NSG1: variants seen among roughly 807,000 people sequenced by gnomAD.
NSG1 encodes the protein neuronal vesicle trafficking associated 1, also known as neuronal vesicle trafficking-associated protein 1.
In NSG1, 9 loss-of-function variants were observed where a neutral mutation model predicts 19.3. That is an observed-to-expected ratio of 0.47 (90% CI 0.28 to 0.81). The LOEUF (loss-of-function observed/expected upper bound fraction) is 0.81. Ranked by LOEUF, NSG1 falls within the 40% of genes least tolerant of loss-of-function variation. The pLI is 0.11. For missense variants in NSG1, 236 were observed against 242.4 expected, an observed-to-expected ratio of 0.97 and a Z score of 0.18; for synonymous variants, 104 against 107.0, an observed-to-expected ratio of 0.97 and a Z score of 0.17.
At chr4:4,413,680 C>T (rs554132853) in intron 4 of NSG1, among the ~76,000 whole-genome samples, 2 of 151,578 alleles carry the variant, frequency 1.3e-5, no homozygotes, top group African/African-American at 2.4e-5. Context: ...ACGGCCAGAG[C>T]GGGTGCATCC....
At chr4:4,407,016 A>G (rs1334320466) in intron 3 of NSG1, among the ~76,000 whole-genome samples, 1 of 152,184 alleles carries the variant, frequency 6.6e-6, no homozygotes, top group Non-Finnish European at 1.5e-5. Flanking sequence ...TGGCCTGTGC[A>G]CTGCAGCTGT....
rs1209266039 is a variant in NSG1, at chr4:4,417,654, C to T, written c.*219C>T. The T allele has an allele frequency of 1.1e-5, 6 of 559,926 alleles. No homozygotes were observed. The highest frequency in any genetic ancestry group is 9.8e-5 in the Admixed American group (3 of 30,730). The allele number at this position is 559,926 out of a possible 1,614,324, so 34.7% of individuals were successfully genotyped here. On this transcript the variant is annotated 3_prime_UTR_variant, in exon 5 of 5. Transcript: ENST00000621129. ...CATTGCCTAAAGAGCTCTGACACCA[C>T]TTTTCATGTTAAGATCTTCATTTAG... is the stretch of plus-strand genomic sequence containing the variant.
At chr4:4,386,991 A>C (rs1722750406), upstream of NSG1, 1 of 151,922 alleles carries the variant, frequency 6.6e-6, no homozygotes, top group Non-Finnish European at 1.5e-5. Flanking sequence ...ACCCGCGCGC[A>C]CCCAGCCCCC....
chr4:4,415,399 C>T (rs1178291846), intron 4 of NSG1, among the ~76,000 whole-genome samples: 3 of 152,174 alleles, frequency 2.0e-5, no homozygotes, highest in African/African-American at 4.8e-5. Flanking sequence ...AGCTGAGTCA[C>T]GCTCCCCTCA....
At chr4:4,411,259 T>C (rs1226265671) in intron 4 of NSG1, among the ~76,000 whole-genome samples, 5 of 152,270 alleles carry the variant, frequency 3.3e-5, no homozygotes, top group African/African-American at 9.6e-5. Context: ...ATGTGCTTTT[T>C]CTATTAAAAA....
In NSG1 at chr4:4,417,235, A is replaced by G. The variant is rs761707011; in HGVS notation, c.358A>G (p.Asn120Asp). 6 of 1,613,792 alleles carry G rather than the reference A, an allele frequency of 3.7e-6. No individual in the cohort carries two copies. Among genetic ancestry groups the G allele is most frequent in the Non-Finnish European group, 5.1e-6 (6 of 1,179,992 alleles). Residue 120 changes from asparagine (N) to aspartate (D), a missense_variant and splice_region_variant, in exon 5 of 5, where the codon AAC becomes GAC. Coordinates refer to ENST00000621129, the MANE Select transcript of NSG1 (RefSeq NM_014392.5). ...RACPDGFVLK[N>D]TQCIPEGLES... Reference sequence around the variant, plus strand: ...CTCTCAGTGGCCTCTTGTCTTTCAGAACACCCAGTGCATCCCAGAAGGCTT... The same window carrying G: ...CTCTCAGTGGCCTCTTGTCTTTCAGGACACCCAGTGCATCCCAGAAGGCTT...
chr4:4,392,865 C>G (rs58898148), intron 3 of NSG1, among the ~76,000 whole-genome samples: 28,446 of 152,102 alleles, frequency 0.19, 2,960 homozygotes, highest in Admixed American at 0.27. Flanking sequence ...TCTGTCCCTG[C>G]TGGTATGTAA....
chr4:4,415,444 T>C (rs927383345), intron 4 of NSG1, among the ~76,000 whole-genome samples: 4 of 152,118 alleles, frequency 2.6e-5, no homozygotes, highest in African/African-American at 4.8e-5. Flanking sequence ...TGGCTCTGTA[T>C]GAGATGGGTA....
Position 4,417,709 on chromosome 4 carries a change from A to C in NSG1, c.*274A>C. ...TTTACTGGGATTTATTGGATGCTGT[A>C]AAAAAATAAATTTACACTGGATATG... is the stretch of plus-strand genomic sequence containing the variant. On this transcript the variant is annotated 3_prime_UTR_variant, in exon 5 of 5. Coordinates refer to ENST00000621129, the MANE Select transcript of NSG1 (RefSeq NM_014392.5). The C allele has an allele frequency of 2.1e-6, 1 of 466,284 alleles. No homozygotes were observed. Among genetic ancestry groups the C allele is most frequent in the South Asian group, 2.2e-5 (1 of 44,908 alleles). The allele number at this position is 466,284 out of a possible 1,614,324, so 28.9% of individuals were successfully genotyped here.
intron 4 of NSG1, among the ~76,000 whole-genome samples, chr4:4,413,087 G>A (rs753378879): frequency 2.4e-4 from 37 of 152,134 alleles, no homozygotes; most frequent in Admixed American, 5.2e-4. Flanking sequence ...CACCCACCCC[G>A]TGCCAGCAGC....
At position 4,413,131 on chromosome 4, in the gene NSG1, G is replaced by A. The variant is rs371078246; in HGVS notation, c.357+3448G>A. Among the ~76,000 whole-genome samples, 4 of 152,192 alleles carry A rather than the reference G, an allele frequency of 2.6e-5. No homozygotes were observed. The South Asian group carries it at 8.3e-4, about 32-fold the overall frequency. On this transcript the variant is annotated intron_variant, in intron 4 of 4. Transcript: ENST00000621129. Reference sequence around the variant, plus strand: ...TTGTTCTAGGCGCTGGAACACAGCCGAGAGCCAGTCAGGTACAGCCCCCTG... The same window carrying A: ...TTGTTCTAGGCGCTGGAACACAGCCAAGAGCCAGTCAGGTACAGCCCCCTG...
intron 3 of NSG1, among the ~76,000 whole-genome samples, chr4:4,406,372 C>T (rs1419077996): frequency 6.6e-6 from 1 of 152,190 alleles, no homozygotes; most frequent in Non-Finnish European, 1.5e-5. Flanking sequence ...GGTGGCTTGG[C>T]TCTCTTCTCA....
intron 3 of NSG1, among the ~76,000 whole-genome samples, chr4:4,398,106 C>T (rs1723363749): frequency 6.6e-6 from 1 of 152,108 alleles, no homozygotes; most frequent in African/African-American, 2.4e-5. Context: ...AGGCACCTGC[C>T]ACCATGCCCG....
chr4:4,389,909 A>G (rs1722911802), intron 2 of NSG1, among the ~76,000 whole-genome samples: 2 of 152,164 alleles, frequency 1.3e-5, no homozygotes, highest in African/African-American at 4.8e-5. Flanking sequence ...TAATGTGTTG[A>G]TAATGCCATG....
intron 3 of NSG1, among the ~76,000 whole-genome samples, chr4:4,407,579 C>CT (rs1363867627): frequency 6.6e-6 from 1 of 152,190 alleles, no homozygotes; most frequent in East Asian, 1.9e-4. Context: ...TCCCTCAGCT[C>CT]TGAGCCACCC....
intron 4 of NSG1, among the ~76,000 whole-genome samples, chr4:4,413,467 G>T (rs971761615): frequency 2.0e-5 from 3 of 151,108 alleles, no homozygotes; most frequent in Non-Finnish European, 4.4e-5. Context: ...AGGCTGAGAG[G>T]ACACCAGGGC....
chr4:4,387,561 C>CCGGGGGGGGGGGGGGGGGG, intron 1 of NSG1, 43 bp from the exon 2 acceptor site: 1 of 1,141,990 alleles, frequency 8.8e-7, no homozygotes, highest in East Asian at 2.7e-5. Flanking sequence ...CGCCCCGCCC[C>CCGGGGGGGGGGGGGGGGGG]GGGTCTTGCT....
chr4:4,416,535 C>T (rs1577298975), intron 4 of NSG1, among the ~76,000 whole-genome samples: 1 of 152,288 alleles, frequency 6.6e-6, no homozygotes, highest in East Asian at 1.9e-4. Flanking sequence ...GCTGCCAAAA[C>T]AGGGAAAACG....
intron 4 of NSG1, among the ~76,000 whole-genome samples, chr4:4,416,338 T>C (rs950298642): frequency 2.6e-5 from 4 of 152,314 alleles, no homozygotes; most frequent in African/African-American, 7.2e-5. Flanking sequence ...CTTTTGAAAA[T>C]AGCTCTTTGT....
Sources: gnomAD v4.1 joint callset for allele counts (sites outside exome capture counted in the v4.1 genomes callset) on GRCh38, gnomAD v4.1.1 for gene constraint, MANE v1.5 for transcripts, NCBI Gene and HGNC (gene_info 2026-07-23, HGNC 2026-07-21) for gene names.